DGKA: variants seen among roughly 807,000 people sequenced by gnomAD.
DGKA encodes 80 kDa diacylglycerol kinase.
DGKA carries 35 observed loss-of-function variants against 105.0 expected under a neutral mutation model. The ratio of observed to expected loss-of-function variants is 0.33; its 90% confidence interval spans 0.25 to 0.44. The LOEUF is 0.44. Ranked by LOEUF, DGKA falls within the 20% of genes least tolerant of loss-of-function variation. DGKA has a pLI of 1.00. For missense variants in DGKA, 665 were observed against 915.0 expected, an observed-to-expected ratio of 0.73 and a Z score of 3.53; for synonymous variants, 296 against 332.0, an observed-to-expected ratio of 0.89 and a Z score of 1.18.
At chr12:55,943,623 A>G (rs1886446504) in intron 17 of DGKA, among the ~76,000 whole-genome samples, 4 of 151,730 alleles carry the variant, frequency 2.6e-5, no homozygotes, top group African/African-American at 9.7e-5. Context: ...CAATCCCTGA[A>G]CTATGAGCAA....
intron 1 of DGKA, chr12:55,935,448 A>T (rs1884437616): frequency 6.6e-6 from 1 of 152,206 alleles, no homozygotes; most frequent in African/African-American, 2.4e-5. Flanking sequence ...AAAGTCGCCC[A>T]CTGCACCTTG....
At position 55,937,461 on chromosome 12, in the gene DGKA, T is replaced by C; in HGVS notation, c.192T>C (p.Asp64=). 1 of 1,614,202 alleles carries C rather than the reference T, an allele frequency of 6.2e-7. No individual in the cohort carries two copies. The change falls in exon 4 of 24, where the codon GAT becomes GAC. Residue 64 remains aspartate (D), a synonymous_variant. Coordinates refer to ENST00000331886, the MANE Select transcript of DGKA (RefSeq NM_001345.5). Reference sequence around the variant, plus strand: ...TCCTGAAAATCTATCTCGAAGTGGATAATGTTCCCAGACACCTAAGCCTGG... The same window carrying C: ...TCCTGAAAATCTATCTCGAAGTGGACAATGTTCCCAGACACCTAAGCCTGG... ...QQFLKIYLEV[D]NVPRHLSLAL... is the part of the protein sequence containing the mutation.
chr12:55,940,611 C>T lies in DGKA; in HGVS notation c.919-13C>T. On this transcript the variant is annotated splice_polypyrimidine_tract_variant and intron_variant, in intron 11 of 23. Transcript: ENST00000331886. The surrounding 1 kb of genome is among the most constrained non-coding windows in gnomAD (Gnocchi z 4.3). ...TACCTTCGTGATCTCTCTGTGCCCA[C>T]CTCGTCTTTCAGATCCACGATGACT... 2 of 1,569,962 alleles carry T rather than the reference C, an allele frequency of 1.3e-6. No individual in the cohort carries two copies. Among genetic ancestry groups the T allele is most frequent in the Non-Finnish European group, 1.7e-6 (2 of 1,160,672 alleles).
At chr12:55,948,601 G>A (rs1032692765) in intron 17 of DGKA, among the ~76,000 whole-genome samples, 9 of 151,718 alleles carry the variant, frequency 5.9e-5, no homozygotes, top group Non-Finnish European at 1.0e-4. Flanking sequence ...GGTGGCACAC[G>A]CTTGTGGTTC....
At position 55,953,218 on chromosome 12, in the gene DGKA, G is replaced by C. The variant is rs1888511464; in HGVS notation, c.2063+58G>C. The C allele has an allele frequency of 1.8e-5, 29 of 1,612,772 alleles. No homozygotes were observed. The South Asian group carries it at 3.2e-4, about 18-fold the overall frequency. On this transcript the variant is annotated intron_variant, in intron 22 of 23. Coordinates refer to ENST00000331886, the MANE Select transcript of DGKA (RefSeq NM_001345.5). Reference sequence around the variant, plus strand: ...AGGTGTGGGGCTGGGGCAGCAGAAGGGTCATGGGAATGGTGGGGAGGGGCT... The same window carrying C: ...AGGTGTGGGGCTGGGGCAGCAGAAGCGTCATGGGAATGGTGGGGAGGGGCT...
intron 17 of DGKA, among the ~76,000 whole-genome samples, chr12:55,947,044 G>A (rs1887177031): frequency 7.0e-6 from 1 of 142,262 alleles, no homozygotes; most frequent in Admixed American, 7.2e-5. Flanking sequence ...GGGGTGCAAT[G>A]GCGCGATCTC....
At chr12:55,933,296 C>T (rs1249279699) in intron 1 of DGKA, among the ~76,000 whole-genome samples, 1 of 152,150 alleles carries the variant, frequency 6.6e-6, no homozygotes, top group Admixed American at 6.5e-5. Context: ...CTAAGATTCT[C>T]TGCCTCCAAG....
chr12:55,942,203 G>A lies in DGKA; in HGVS notation c.1366G>A (p.Val456Ile), dbSNP rs779272127. The change falls in exon 17 of 24, where the codon GTT (valine) becomes ATT (isoleucine). Residue 456 changes from valine to isoleucine, a missense_variant. Coordinates refer to ENST00000331886, the MANE Select transcript of DGKA (RefSeq NM_001345.5). ...DKANLPVLPP[V>I]AVLPLGTGND... The stretch of plus-strand genomic sequence containing the variant: ...AGCTAACTTGCCAGTTTTGCCTCCT[G>A]TTGCTGTGTTGCCCCTGGGTACTGG... The A allele has an allele frequency of 1.9e-6, 3 of 1,614,246 alleles. No homozygotes were observed. Among genetic ancestry groups the A allele is most frequent in the Non-Finnish European group, 1.7e-6 (2 of 1,180,048 alleles).
At chr12:55,939,889 G>C (rs1674679031) in intron 9 of DGKA, 193 bp from the exon 10 acceptor site, 1 of 613,782 alleles carries the variant, frequency 1.6e-6, no homozygotes, top group Non-Finnish European at 2.9e-6. Flanking sequence ...CAGGCATGCA[G>C]TAGCAGCTGA....
chr12:55,937,250 G>A (rs1884937152), intron 3 of DGKA, among the ~76,000 whole-genome samples, 158 bp from the exon 4 acceptor site: 1 of 151,630 alleles, frequency 6.6e-6, no homozygotes, highest in African/African-American at 2.4e-5. Context: ...GATAAAACAA[G>A]GGATTCTATT....
intron 15 of DGKA, 38 bp downstream of exon 15, chr12:55,941,622 TG>T: frequency 1.3e-6 from 2 of 1,597,396 alleles, no homozygotes; most frequent in South Asian, 2.2e-5. Flanking sequence ...AGTGTTTTCG[TG>T]GGTCTGTGTA....
Position 55,940,934 on chromosome 12 carries a change from A to T in DGKA, c.1055A>T (p.Gln352Leu), listed in dbSNP as rs749383407. 6.2e-7 allele frequency: 1 copy of T among 1,614,074 alleles called. No individual in the cohort carries two copies. The stretch of plus-strand genomic sequence containing the variant: ...GATCGTAAAAATAGCAAAACAAGCC[A>T]GAAGACCATGGATGATTTAAATTTG... Reference protein sequence around the residue: ...GPDRKNSKTSQKTMDDLNLST... With the variant: ...GPDRKNSKTSLKTMDDLNLST... Residue 352 changes from glutamine to leucine, a missense_variant, in exon 13 of 24, where the codon CAG becomes CTG. Gln to Leu is a moderately radical substitution (Grantham distance 113). This residue lies in a region of DGKA where 504 missense variants were observed against 681.2 expected (regional missense o/e 0.74). Transcript: ENST00000331886. The surrounding 1 kb of genome is among the most constrained non-coding windows in gnomAD (Gnocchi z 4.3).
Position 55,940,582 on chromosome 12 carries a change from G to A in DGKA, c.919-42G>A. On this transcript the variant is annotated intron_variant, in intron 11 of 23. Coordinates refer to ENST00000331886, the MANE Select transcript of DGKA (RefSeq NM_001345.5). The surrounding 1 kb of genome is among the most constrained non-coding windows in gnomAD (Gnocchi z 4.3). ...CAGACTGCCAGGTTGAGAGGAGACA[G>A]GGTTACCTTCGTGATCTCTCTGTGC... 1.3e-6 allele frequency: 2 copies of A among 1,555,924 alleles called. No homozygotes were observed. The highest frequency in any genetic ancestry group is 1.7e-6 in the Non-Finnish European group (2 of 1,152,756).
intron 1 of DGKA, among the ~76,000 whole-genome samples, chr12:55,933,936 A>G (rs1408545912): frequency 6.6e-6 from 1 of 152,178 alleles, no homozygotes; most frequent in East Asian, 1.9e-4. Context: ...AGTACATTGC[A>G]TATATCATCT....
chr12:55,939,259 C>A lies in DGKA; in HGVS notation c.548C>A (p.Ala183Asp). ...GSVSQAEWVR[A>D]GATTVPLLVL... ...GTCTCTCAAGCTGAGTGGGTCCGGG[C>A]TGGGGCCACCACCGTGCCACTGCTA... The change falls in exon 8 of 24, where the codon GCT (alanine) becomes GAT (aspartate). Residue 183 changes from alanine (A) to aspartate (D), a missense_variant. Ala to Asp is a moderately radical substitution (Grantham distance 126, BLOSUM62 -2). This residue lies in a region of DGKA where 504 missense variants were observed against 681.2 expected (regional missense o/e 0.74). Coordinates refer to ENST00000331886, the MANE Select transcript of DGKA (RefSeq NM_001345.5). 3 of 1,614,134 alleles carry A rather than the reference C, an allele frequency of 1.9e-6. No homozygotes were observed. The highest frequency in any genetic ancestry group is 2.5e-6 in the Non-Finnish European group (3 of 1,180,024).
chr12:55,937,906 G>A (rs1885089033), intron 4 of DGKA, 72 bp from the exon 5 acceptor site: 1 of 1,339,656 alleles, frequency 7.5e-7, no homozygotes, highest in East Asian at 2.3e-5. Flanking sequence ...GGGAGAGGTG[G>A]GACAAACAAA....
intron 17 of DGKA, chr12:55,942,509 C>A: frequency 2.2e-6 from 1 of 459,716 alleles, no homozygotes; most frequent in Non-Finnish European, 4.0e-6. Flanking sequence ...ATGTTTCTCC[C>A]AACCAACTCT....
chr12:55,951,939 C>A, intron 18 of DGKA, 96 bp from the exon 19 acceptor site: 1 of 1,532,408 alleles, frequency 6.5e-7, no homozygotes, highest in South Asian at 1.1e-5. Flanking sequence ...GATCTTGGGA[C>A]ATGCTGTGGG....
rs1352089381 is a variant in DGKA, at chr12:55,936,742, A to G, written c.64+175A>G. ...GGAGATGGGGAGATGTCAGAAAAAGATCCGGATCTACCACAGTCTAACTGG... is the reference window on the plus strand; with the variant it reads ...GGAGATGGGGAGATGTCAGAAAAAGGTCCGGATCTACCACAGTCTAACTGG... On this transcript the variant is annotated intron_variant, in intron 2 of 23. Transcript: ENST00000331886. 10 of 1,003,666 alleles carry G rather than the reference A, an allele frequency of 1.0e-5. No homozygotes were observed. In the East Asian group the frequency reaches 2.4e-4, roughly 24 times the overall value. 62.2% of individuals were successfully genotyped at this position (1,003,666 alleles called of 1,614,324 possible).
Sources: gnomAD v4.1 joint callset for allele counts (sites outside exome capture counted in the v4.1 genomes callset) on GRCh38, gnomAD v4.1.1 for gene constraint, gnomAD v4.1.1 regional missense constraint, Gnocchi (gnomAD v3.1) non-coding constraint, MANE v1.5 for transcripts, NCBI Gene and HGNC (gene_info 2026-07-23, HGNC 2026-07-21) for gene names.